The following SRPK2 variants were observed in gnomAD, a reference collection of about 807,000 sequenced individuals.
SRPK2 encodes SFRS protein kinase 2.
A neutral mutation model predicts 90.8 loss-of-function variants in SRPK2; 21 were observed. The ratio of observed to expected loss-of-function variants is 0.23; its 90% confidence interval spans 0.16 to 0.33. The LOEUF (loss-of-function observed/expected upper bound fraction) is 0.33. Among genes scored for constraint, SRPK2 ranks in the 10% least tolerant of loss-of-function variants. The pLI is 1.00. For synonymous variants in SRPK2, 288 were observed against 311.1 expected (o/e 0.93, Z 0.78); for missense variants, 620 against 869.0 (o/e 0.71, Z 3.60).
At chr7:105,389,672 C>G (rs1934486273), upstream of SRPK2, among the ~76,000 whole-genome samples, 1 of 152,198 alleles carries the variant, frequency 6.6e-6, no homozygotes, top group South Asian at 2.1e-4. Flanking sequence ...TGAGTCCCAA[C>G]GAGGTTAAAA....
chr7:105,336,303 C>A (rs1008065175), intron 2 of SRPK2, among the ~76,000 whole-genome samples: 1 of 152,164 alleles, frequency 6.6e-6, no homozygotes, highest in African/African-American at 2.4e-5. Context: ...AAAGTTACCT[C>A]ACAAAATGGT....
intron 2 of SRPK2, chr7:105,306,598 GA>G (rs1811173987): frequency 2.4e-6 from 1 of 414,864 alleles, no homozygotes; most frequent in South Asian, 1.7e-5. Context: ...CAGTCATGAA[GA>G]AAAAACATGT....
At chr7:105,177,943 G>A (rs368932882) in intron 3 of SRPK2, among the ~76,000 whole-genome samples, 1 of 151,636 alleles carries the variant, frequency 6.6e-6, no homozygotes. Context: ...GCAGGAGAAC[G>A]GCGTGAACCC....
chr7:105,299,598 T>A (rs961763311), intron 2 of SRPK2, among the ~76,000 whole-genome samples: 1 of 152,304 alleles, frequency 6.6e-6, no homozygotes, highest in East Asian at 1.9e-4. Flanking sequence ...ATCTTTAGAA[T>A]GTAATGGGAT....
At chr7:105,373,181 C>A (rs921281878) in intron 2 of SRPK2, among the ~76,000 whole-genome samples, 1 of 152,020 alleles carries the variant, frequency 6.6e-6, no homozygotes, top group Non-Finnish European at 1.5e-5. Context: ...GATAATACTA[C>A]CCACCTATAC....
chr7:105,207,873 G>T (rs1206563355), intron 2 of SRPK2, among the ~76,000 whole-genome samples: 1 of 152,176 alleles, frequency 6.6e-6, no homozygotes, highest in Non-Finnish European at 1.5e-5. Flanking sequence ...AGAATGGGGG[G>T]AAGTACTTGT....
In SRPK2 at chr7:105,146,918, A is replaced by G. The variant is rs150514532; in HGVS notation, c.622-260T>C. ...TCTACATACAGTTGAACCTTGAACAACACAGGTTTGAACTGCATGGGTTCC... is the reference window on the plus strand; with the variant it reads ...TCTACATACAGTTGAACCTTGAACAGCACAGGTTTGAACTGCATGGGTTCC... On this transcript the variant is annotated intron_variant, in intron 7 of 15. Coordinates refer to ENST00000393651, the MANE Select transcript of SRPK2 (RefSeq NM_182692.3). 2.8e-3 allele frequency among the ~76,000 whole-genome samples: 421 copies of G among 152,288 alleles called. 1 individual carries two copies. Among genetic ancestry groups the G allele is most frequent in the African/African-American group, 9.4e-3 (389 of 41,558 alleles).
intron 6 of SRPK2, among the ~76,000 whole-genome samples, chr7:105,161,801 C>T (rs928432852): frequency 1.3e-5 from 2 of 152,188 alleles, no homozygotes; most frequent in Non-Finnish European, 2.9e-5. Flanking sequence ...TAATATCTTA[C>T]ATTATACAAC....
At chr7:105,353,925 A>G (rs1255206219) in intron 2 of SRPK2, among the ~76,000 whole-genome samples, 1 of 152,142 alleles carries the variant, frequency 6.6e-6, no homozygotes, top group African/African-American at 2.4e-5. Context: ...ACTGAGAGCC[A>G]ATGTTCTTAT....
chr7:105,235,014 T>A (rs898101567), intron 2 of SRPK2, among the ~76,000 whole-genome samples: 1 of 152,254 alleles, frequency 6.6e-6, no homozygotes, highest in Non-Finnish European at 1.5e-5. Context: ...TGCAATTTTT[T>A]AAGCTCATCA....
intron 2 of SRPK2, among the ~76,000 whole-genome samples, chr7:105,321,228 C>A (rs1178218315): frequency 2.0e-5 from 3 of 152,172 alleles, no homozygotes; most frequent in African/African-American, 7.2e-5. Context: ...GCGGAAAGAA[C>A]AGACTATTCA....
intron 3 of SRPK2, among the ~76,000 whole-genome samples, chr7:105,178,776 T>A (rs2129595988): frequency 6.6e-6 from 1 of 152,056 alleles, no homozygotes; most frequent in South Asian, 2.1e-4. Context: ...ACCACTGCAC[T>A]CCAACCTGGG....
At chr7:105,251,873 A>T (rs1411604914) in intron 2 of SRPK2, among the ~76,000 whole-genome samples, 1 of 152,206 alleles carries the variant, frequency 6.6e-6, no homozygotes, top group African/African-American at 2.4e-5. Context: ...AACTGAGGCT[A>T]AATTCAGTGT....
At chr7:105,300,995 G>T (rs1381501265) in intron 2 of SRPK2, among the ~76,000 whole-genome samples, 2 of 152,200 alleles carry the variant, frequency 1.3e-5, no homozygotes, top group East Asian at 3.8e-4. Context: ...AATACCATTT[G>T]ACCCAGCAAT....
At chr7:105,149,616 C>T (rs1805316237) in intron 7 of SRPK2, among the ~76,000 whole-genome samples, 1 of 152,098 alleles carries the variant, frequency 6.6e-6, no homozygotes, top group Non-Finnish European at 1.5e-5. Flanking sequence ...GTCTCTCGTC[C>T]CACCCGACTA....
intron 2 of SRPK2, among the ~76,000 whole-genome samples, chr7:105,223,235 A>G (rs1798321672): frequency 6.6e-6 from 1 of 152,238 alleles, no homozygotes; most frequent in East Asian, 1.9e-4. Context: ...CTCAACTGCA[A>G]CTATTCTTTG....
At chr7:105,271,423 T>C (rs1805813860) in intron 2 of SRPK2, among the ~76,000 whole-genome samples, 1 of 152,222 alleles carries the variant, frequency 6.6e-6, no homozygotes, top group Non-Finnish European at 1.5e-5. Flanking sequence ...GATTTGTTCA[T>C]CGCTCCAGAA....
intron 7 of SRPK2, among the ~76,000 whole-genome samples, chr7:105,157,054 A>T (rs538843636): frequency 2.0e-5 from 3 of 152,284 alleles, no homozygotes; most frequent in African/African-American, 7.2e-5. Context: ...TAGAAAGGAG[A>T]ATAAACTGGA....
chr7:105,326,248 A>T (rs975855408), intron 2 of SRPK2, among the ~76,000 whole-genome samples: 1 of 152,356 alleles, frequency 6.6e-6, no homozygotes, highest in Admixed American at 6.5e-5. Context: ...CTATTGCAAC[A>T]GCATGCTCTC....
Sources: allele counts gnomAD v4.1 joint callset (sites outside exome capture counted in the v4.1 genomes callset), GRCh38; gene constraint gnomAD v4.1.1; transcripts MANE v1.5; gene names NCBI Gene and HGNC (gene_info 2026-07-23, HGNC 2026-07-21).